The following NELL1 variants were observed in gnomAD, a reference collection of about 807,000 sequenced individuals.
The protein encoded by NELL1 is protein kinase C-binding protein NELL1.
A neutral mutation model predicts 107.4 loss-of-function variants in NELL1; 76 were observed. The ratio of observed to expected loss-of-function variants is 0.71; its 90% CI spans 0.59 to 0.86. NELL1 has a LOEUF of 0.86. NELL1 is among the 40% of genes least tolerant of loss of function. The pLI is 0.00. For missense variants in NELL1, 1,024 were observed against 1,005.5 expected, an observed-to-expected ratio of 1.02 and a Z score of -0.25; for synonymous variants, 353 against 341.2, an observed-to-expected ratio of 1.03 and a Z score of -0.38.
chr11:20,687,927 G>A (rs565752302), intron 2 of NELL1, among the ~76,000 whole-genome samples: 10 of 152,054 alleles, frequency 6.6e-5, no homozygotes. Context: ...CAAAGAATAA[G>A]TTAGACAGAC....
At chr11:21,473,585 A>C (rs751208324) in intron 15 of NELL1, among the ~76,000 whole-genome samples, 1 of 152,122 alleles carries the variant, frequency 6.6e-6, no homozygotes, top group Non-Finnish European at 1.5e-5. Context: ...GGGATACTTC[A>C]AATATTCCCT....
intron 9 of NELL1, among the ~76,000 whole-genome samples, chr11:20,933,144 G>A (rs960377611): frequency 6.6e-6 from 1 of 152,208 alleles, no homozygotes; most frequent in Admixed American, 6.5e-5. Context: ...TGCATCAAGA[G>A]AGCTGGAGGT....
At chr11:21,292,133 A>C (rs191053805) in intron 14 of NELL1, among the ~76,000 whole-genome samples, 1 of 152,308 alleles carries the variant, frequency 6.6e-6, no homozygotes, top group East Asian at 1.9e-4. Flanking sequence ...AGGAAGTCAA[A>C]TTGTCTCTGT....
intron 12 of NELL1, among the ~76,000 whole-genome samples, chr11:21,098,377 T>C (rs1487351737): frequency 5.3e-5 from 8 of 152,182 alleles, no homozygotes; most frequent in Non-Finnish European, 8.8e-5. Flanking sequence ...CTCTTCTTAT[T>C]AACGGTGAAA....
At chr11:21,260,951 G>A (rs1488826564) in intron 14 of NELL1, among the ~76,000 whole-genome samples, 1 of 151,854 alleles carries the variant, frequency 6.6e-6, no homozygotes, top group African/African-American at 2.4e-5. Flanking sequence ...TAAGTGGAGG[G>A]AGGTTAGAAT....
At chr11:21,071,149 C>T (rs1279839819) in intron 12 of NELL1, among the ~76,000 whole-genome samples, 1 of 152,066 alleles carries the variant, frequency 6.6e-6, no homozygotes, top group Non-Finnish European at 1.5e-5. Context: ...TAATCTTGGG[C>T]AAATTTGGGG....
At chr11:21,141,769 A>G (rs1413199610) in intron 13 of NELL1, among the ~76,000 whole-genome samples, 2 of 150,696 alleles carry the variant, frequency 1.3e-5, no homozygotes, top group African/African-American at 4.9e-5. Context: ...TTATTTATTT[A>G]TTTATTTATT....
intron 12 of NELL1, among the ~76,000 whole-genome samples, chr11:21,015,755 C>G (rs1852549730): frequency 6.6e-6 from 1 of 151,990 alleles, no homozygotes; most frequent in East Asian, 1.9e-4. Context: ...AATGACTCTC[C>G]TTTACAGGTG....
intron 12 of NELL1, among the ~76,000 whole-genome samples, chr11:21,020,561 A>C (rs1462217190): frequency 6.6e-6 from 1 of 151,984 alleles, no homozygotes; most frequent in Non-Finnish European, 1.5e-5. Context: ...GATCAGGAAA[A>C]GTTGAAAGTA....
intron 3 of NELL1, among the ~76,000 whole-genome samples, chr11:20,789,255 A>T (rs1181027437): frequency 6.6e-6 from 1 of 152,174 alleles, no homozygotes; most frequent in African/African-American, 2.4e-5. Context: ...TCAGGCATGG[A>T]GCAGCAAGGG....
At chr11:20,992,508 G>T (rs990144482) in intron 12 of NELL1, among the ~76,000 whole-genome samples, 53 of 152,114 alleles carry the variant, frequency 3.5e-4, no homozygotes, top group Non-Finnish European at 5.4e-4. Flanking sequence ...AAGAAGGTGG[G>T]TTCTAGTTCT....
intron 12 of NELL1, among the ~76,000 whole-genome samples, chr11:21,026,194 C>T (rs1263660473): frequency 6.6e-6 from 1 of 152,066 alleles, no homozygotes; most frequent in Non-Finnish European, 1.5e-5. Flanking sequence ...CTTCCTAGAC[C>T]TTTTCAGCTG....
intron 16 of NELL1, among the ~76,000 whole-genome samples, chr11:21,549,809 G>T (rs959725390): frequency 6.6e-6 from 1 of 151,348 alleles, no homozygotes; most frequent in African/African-American, 2.4e-5. Context: ...GTTAAGAACA[G>T]ATTTTAATCC....
At chr11:20,798,192 G>A (rs1341877533) in intron 3 of NELL1, among the ~76,000 whole-genome samples, 1 of 152,192 alleles carries the variant, frequency 6.6e-6, no homozygotes, top group African/African-American at 2.4e-5. Flanking sequence ...AGGATCTGAT[G>A]TCCAGAAAAT....
intron 12 of NELL1, among the ~76,000 whole-genome samples, chr11:20,977,857 T>G (rs1020411985): frequency 7.2e-5 from 11 of 152,220 alleles, no homozygotes; most frequent in Admixed American, 6.5e-4. Context: ...ATGTTTATAT[T>G]CTAAGTACCT....
chr11:21,039,062 G>T (rs1227502743), intron 12 of NELL1, among the ~76,000 whole-genome samples: 3 of 152,176 alleles, frequency 2.0e-5, no homozygotes, highest in African/African-American at 7.2e-5. Flanking sequence ...TCAAGGGGGT[G>T]ATAAGGGGTT....
At chr11:21,323,825 C>T (rs1174944322) in intron 14 of NELL1, among the ~76,000 whole-genome samples, 1 of 152,160 alleles carries the variant, frequency 6.6e-6, no homozygotes, top group Non-Finnish European at 1.5e-5. Flanking sequence ...AAGACTCTAT[C>T]TGCCCCCTAC....
At chr11:21,173,434 T>G (rs1285308115) in intron 13 of NELL1, among the ~76,000 whole-genome samples, 1 of 151,876 alleles carries the variant, frequency 6.6e-6, no homozygotes, top group Non-Finnish European at 1.5e-5. Context: ...GCTTATGTAC[T>G]TTGCCACAGG....
At chr11:21,226,634 G>C (rs1025681365) in intron 13 of NELL1, among the ~76,000 whole-genome samples, 6 of 152,204 alleles carry the variant, frequency 3.9e-5, no homozygotes, top group Non-Finnish European at 5.9e-5. Context: ...ATAAAGTGAA[G>C]GTTGTGGAAA....
Sources: allele counts gnomAD v4.1 joint callset (sites outside exome capture counted in the v4.1 genomes callset), GRCh38; gene constraint gnomAD v4.1.1; transcripts MANE v1.5; gene names NCBI Gene and HGNC (gene_info 2026-07-23, HGNC 2026-07-21).